The following AUTS2 variants were observed in gnomAD, a reference collection of about 807,000 sequenced individuals.
The protein encoded by AUTS2 is activator of transcription and developmental regulator AUTS2.
In AUTS2, 17 loss-of-function variants were observed where a neutral mutation model predicts 112.4. The observed-to-expected ratio is 0.15, with a 90% CI of 0.10 to 0.23. The LOEUF (loss-of-function observed/expected upper bound fraction) is 0.23, where lower values mean the gene tolerates loss of function less well. Ranked by LOEUF, AUTS2 falls within the 10% of genes least tolerant of loss-of-function variation. The pLI, the probability that AUTS2 is intolerant of heterozygous loss-of-function variation, is 1.00. For synonymous variants in AUTS2, 751 were observed against 702.7 expected (o/e 1.07, Z -1.09); for missense variants, 1,510 against 1,701.6 (o/e 0.89, Z 1.98).
intron 2 of AUTS2, among the ~76,000 whole-genome samples, chr7:70,063,400 A>C (rs1802345369): frequency 6.6e-6 from 1 of 152,168 alleles, no homozygotes; most frequent in African/African-American, 2.4e-5. Context: ...TACCAGAATG[A>C]TGAAGAGCAA....
At chr7:69,641,366 G>C (rs946433146) in intron 1 of AUTS2, among the ~76,000 whole-genome samples, 1 of 151,508 alleles carries the variant, frequency 6.6e-6, no homozygotes, top group African/African-American at 2.5e-5. Context: ...TGCTTTCGCT[G>C]ATCCAGAATT....
intron 2 of AUTS2, among the ~76,000 whole-genome samples, chr7:70,046,651 A>G (rs1182752426): frequency 2.0e-5 from 3 of 152,336 alleles, no homozygotes; most frequent in South Asian, 2.1e-4. Flanking sequence ...TGATGAGAAC[A>G]TTCCATAAAG....
intron 4 of AUTS2, among the ~76,000 whole-genome samples, chr7:70,422,475 C>T (rs1381768431): frequency 6.6e-6 from 1 of 152,026 alleles, no homozygotes; most frequent in Non-Finnish European, 1.5e-5. Context: ...TTACTGTCAC[C>T]TCAAAATTAT....
At chr7:69,991,995 C>T (rs1249909453) in intron 2 of AUTS2, among the ~76,000 whole-genome samples, 6 of 152,082 alleles carry the variant, frequency 3.9e-5, no homozygotes, top group Non-Finnish European at 8.8e-5. Flanking sequence ...GTAAGTGTTG[C>T]CCTCAAAATG....
At chr7:69,902,812 G>T (rs944568114) in intron 2 of AUTS2, among the ~76,000 whole-genome samples, 5 of 152,116 alleles carry the variant, frequency 3.3e-5, no homozygotes, top group Non-Finnish European at 7.4e-5. Flanking sequence ...CCAAAAGAAA[G>T]CTTTTAAACT....
At chr7:70,279,156 A>G (rs12537519) in intron 4 of AUTS2, among the ~76,000 whole-genome samples, 3,574 of 152,298 alleles carry the variant, frequency 0.023, 71 homozygotes, top group Admixed American at 0.039. Flanking sequence ...AATTGAAACC[A>G]TGATATTCTG....
chr7:69,914,315 A>G (rs997636202), intron 2 of AUTS2, among the ~76,000 whole-genome samples: 2 of 150,470 alleles, frequency 1.3e-5, no homozygotes, highest in East Asian at 2.0e-4. Context: ...TTAATTGGCT[A>G]CAAAAAAAAG....
chr7:69,697,205 A>G (rs1797598322), intron 1 of AUTS2, among the ~76,000 whole-genome samples: 1 of 152,230 alleles, frequency 6.6e-6, no homozygotes, highest in Non-Finnish European at 1.5e-5. Context: ...CTACTAGTCC[A>G]AGGACCTTAC....
chr7:70,701,737 C>CA (rs1405156500), intron 6 of AUTS2, among the ~76,000 whole-genome samples: 3 of 151,870 alleles, frequency 2.0e-5, no homozygotes, highest in Non-Finnish European at 2.9e-5. Context: ...GTTGTAGACA[C>CA]AAAAAAACAG....
chr7:69,716,816 A>C (rs1767186470), intron 1 of AUTS2, among the ~76,000 whole-genome samples: 1 of 152,126 alleles, frequency 6.6e-6, no homozygotes, highest in African/African-American at 2.4e-5. Context: ...TGACTCAGAG[A>C]ACCCGGGGGG....
chr7:70,715,517 CT>C (rs1810314001), intron 6 of AUTS2, among the ~76,000 whole-genome samples: 3 of 145,924 alleles, frequency 2.1e-5, no homozygotes, highest in Non-Finnish European at 1.5e-5. Context: ...TTTTTCTTTT[CT>C]TTTCTTTTCT....
At chr7:70,768,591 AT>A (rs1790088480) in intron 10 of AUTS2, among the ~76,000 whole-genome samples, 1 of 152,198 alleles carries the variant, frequency 6.6e-6, no homozygotes, top group South Asian at 2.1e-4. Context: ...GAAAGTAAAA[AT>A]ATCACTTAAT....
chr7:70,428,574 T>A (rs1298358609), intron 4 of AUTS2, among the ~76,000 whole-genome samples: 2 of 152,220 alleles, frequency 1.3e-5, no homozygotes, highest in African/African-American at 4.8e-5. Context: ...GATATTGTAG[T>A]TTACAAGTTG....
intron 2 of AUTS2, among the ~76,000 whole-genome samples, chr7:69,936,486 A>G (rs2129544473): frequency 6.6e-6 from 1 of 152,158 alleles, no homozygotes; most frequent in East Asian, 1.9e-4. Context: ...AGTAGCTGGG[A>G]CTACAGGTGC....
chr7:70,188,902 TATTA>T (rs1234973397), intron 4 of AUTS2, among the ~76,000 whole-genome samples: 1 of 152,022 alleles, frequency 6.6e-6, no homozygotes, highest in South Asian at 2.1e-4. Flanking sequence ...TTTTTTTCTT[TATTA>T]ATTATTTATA....
intron 2 of AUTS2, among the ~76,000 whole-genome samples, chr7:70,037,908 A>G (rs1367200902): frequency 6.6e-6 from 1 of 152,074 alleles, no homozygotes; most frequent in Non-Finnish European, 1.5e-5. Context: ...AAAAATATAT[A>G]AAGTATGACT....
In AUTS2 at chr7:69,899,468, G is replaced by C. The variant is rs1473709786; in HGVS notation, c.492G>C (p.Lys164Asn). Reference sequence around the variant, plus strand: ...GCAATCTCTGCCAGCACCTTGGGAAGAGAAAGAAAATGCCGAAGGCACTCA... The same window carrying C: ...GCAATCTCTGCCAGCACCTTGGGAACAGAAAGAAAATGCCGAAGGCACTCA... ...NDRNLCQHLG[K>N]RKKMPKALRQ... Residue 164 changes from lysine (K) to asparagine (N), a missense_variant, in exon 2 of 19, where the codon AAG becomes AAC. Lys to Asn is a moderately conservative substitution (Grantham distance 94). This residue lies in a region of AUTS2 where 535 missense variants were observed against 594.3 expected (regional missense o/e 0.90). Transcript: ENST00000342771. 1.2e-6 allele frequency: 2 copies of C among 1,613,996 alleles called. No individual in the cohort carries two copies. Among genetic ancestry groups the C allele is most frequent in the Non-Finnish European group, 1.7e-6 (2 of 1,179,872 alleles).
At chr7:70,524,833 C>T (rs1262417531) in intron 5 of AUTS2, among the ~76,000 whole-genome samples, 1 of 152,174 alleles carries the variant, frequency 6.6e-6, no homozygotes, top group African/African-American at 2.4e-5. Context: ...ACTCCTTGCT[C>T]CTTGAGGCTT....
intron 1 of AUTS2, among the ~76,000 whole-genome samples, chr7:69,624,572 T>G (rs940750142): frequency 1.3e-5 from 2 of 152,212 alleles, no homozygotes; most frequent in African/African-American, 4.8e-5. Flanking sequence ...ACTTAAGCTG[T>G]GTGCAAGTGG....
Sources: gnomAD v4.1 joint callset for allele counts (sites outside exome capture counted in the v4.1 genomes callset) on GRCh38, gnomAD v4.1.1 for gene constraint, gnomAD v4.1.1 regional missense constraint, MANE v1.5 for transcripts, NCBI Gene and HGNC (gene_info 2026-07-23, HGNC 2026-07-21) for gene names.